Variants in MSH3 observed in about 807,000 individuals in gnomAD.
MSH3 encodes DNA mismatch repair protein Msh3.
A neutral mutation model predicts 123.3 loss-of-function variants in MSH3; 106 were observed. That is an observed-to-expected ratio of 0.86 (90% CI 0.73 to 1.01). The LOEUF is 1.01. MSH3 is among the 50% of genes least tolerant of loss of function. The pLI, the probability that MSH3 is intolerant of heterozygous loss-of-function variation, is 0.00. For synonymous variants in MSH3, 515 were observed against 481.4 expected (o/e 1.07, Z -0.91); for missense variants, 1,459 against 1,347.6 (o/e 1.08, Z -1.29).
At chr5:80,747,181 A>G (rs1743737304) in intron 12 of MSH3, among the ~76,000 whole-genome samples, 1 of 152,148 alleles carries the variant, frequency 6.6e-6, no homozygotes, top group African/African-American at 2.4e-5. Context: ...ATCTACTACA[A>G]TTCTTACTGT....
At chr5:80,852,557 A>C (rs1745848003) in intron 20 of MSH3, among the ~76,000 whole-genome samples, 1 of 152,204 alleles carries the variant, frequency 6.6e-6, no homozygotes, top group African/African-American at 2.4e-5. Context: ...AAGTTTCATC[A>C]TCCTGTTTTG....
intron 15 of MSH3, among the ~76,000 whole-genome samples, chr5:80,772,609 C>A (rs1744231302): frequency 6.6e-6 from 1 of 152,106 alleles, no homozygotes; most frequent in South Asian, 2.1e-4. Flanking sequence ...GAACTGTAGA[C>A]CAGGAAAAGT....
chr5:80,800,966 G>C (rs982626229), intron 19 of MSH3, among the ~76,000 whole-genome samples: 4 of 152,214 alleles, frequency 2.6e-5, no homozygotes, highest in Non-Finnish European at 4.4e-5. Context: ...GGTGTGTCCT[G>C]GGAGTTGATG....
At chr5:80,718,378 G>C (rs1751004797) in intron 8 of MSH3, among the ~76,000 whole-genome samples, 1 of 152,152 alleles carries the variant, frequency 6.6e-6, no homozygotes, top group Non-Finnish European at 1.5e-5. Flanking sequence ...TCAGCTCCCT[G>C]AGTAGCTGGG....
chr5:80,671,242 A>G (rs1342160519), intron 4 of MSH3, among the ~76,000 whole-genome samples: 1 of 152,222 alleles, frequency 6.6e-6, no homozygotes, highest in Non-Finnish European at 1.5e-5. Flanking sequence ...AGTATTGCAG[A>G]TGACACCTTT....
chr5:80,654,877 CGCTGCAGCG>C lies in MSH3; in HGVS notation c.162_170del (p.Ala60_Ala62del), dbSNP rs758595508. On this transcript the variant is annotated inframe_deletion, in exon 1 of 24. Coordinates refer to ENST00000265081, the MANE Select transcript of MSH3 (RefSeq NM_002439.5). ...GTGCAGCCGACCAGGTGGACCCTGG[CGCTGCAGCG>C]GCTGCAGCGGCCGCAGCGGCCGCAG... is the stretch of plus-strand genomic sequence containing the variant. The C allele has an allele frequency of 1.1e-3, 1,706 of 1,500,008 alleles. 13 individuals carry two copies. Among genetic ancestry groups the C allele is most frequent in the African/African-American group, 4.0e-3 (261 of 64,948 alleles). The allele number at this position is 1,500,008 out of a possible 1,614,324, so 92.9% of individuals were successfully genotyped here.
chr5:80,866,651 C>T (rs1289722067), intron 22 of MSH3, among the ~76,000 whole-genome samples: 1 of 152,154 alleles, frequency 6.6e-6, no homozygotes, highest in African/African-American at 2.4e-5. Flanking sequence ...TGATGGACCT[C>T]TCATTGTGTT....
chr5:80,864,196 A>G (rs1051569834), intron 21 of MSH3, among the ~76,000 whole-genome samples: 41 of 152,238 alleles, frequency 2.7e-4, no homozygotes, highest in African/African-American at 8.9e-4. Context: ...GACTCCCTGG[A>G]CCCCTTAGGT....
chr5:80,755,065 C>A (rs556604984), intron 12 of MSH3, among the ~76,000 whole-genome samples: 86 of 152,250 alleles, frequency 5.6e-4, no homozygotes, highest in African/African-American at 1.9e-3. Flanking sequence ...CCTGGGGATG[C>A]ATTACTGCTC....
chr5:80,777,676 G>A (rs563216715), intron 16 of MSH3, among the ~76,000 whole-genome samples: 1 of 152,262 alleles, frequency 6.6e-6, no homozygotes, highest in Non-Finnish European at 1.5e-5. Flanking sequence ...TGGCCATAGG[G>A]TTTTGACAGA....
At chr5:80,840,315 G>A (rs1201146575) in intron 20 of MSH3, among the ~76,000 whole-genome samples, 1 of 152,152 alleles carries the variant, frequency 6.6e-6, no homozygotes, top group East Asian at 1.9e-4. Context: ...AAGGAAAGGG[G>A]AATCTTCTAG....
chr5:80,711,015 A>G (rs1406952904), intron 8 of MSH3, among the ~76,000 whole-genome samples: 2 of 152,234 alleles, frequency 1.3e-5, no homozygotes, highest in African/African-American at 2.4e-5. Context: ...TTTTTTTGTT[A>G]GAATTTTACC....
Position 80,757,808 on chromosome 5 carries a change from C to G in MSH3, c.1764-3738C>G, listed in dbSNP as rs1387403392. Reference sequence around the variant, plus strand: ...ATTCTCTATTGTGTGGCCTGACATACTGTTTTATTACAATTATTTGGAAGG... The same window carrying G: ...ATTCTCTATTGTGTGGCCTGACATAGTGTTTTATTACAATTATTTGGAAGG... On this transcript the variant is annotated intron_variant, in intron 12 of 23. Coordinates refer to ENST00000265081, the MANE Select transcript of MSH3 (RefSeq NM_002439.5). Among the ~76,000 whole-genome samples the G allele has an allele frequency of 2.0e-5, 3 of 152,090 alleles. No homozygotes were observed. The East Asian group carries it at 5.8e-4, about 29-fold the overall frequency.
chr5:80,875,720 A>T (rs1746295940), intron 23 of MSH3, 31 bp from the exon 24 acceptor site: 1 of 1,278,042 alleles, frequency 7.8e-7, no homozygotes, highest in African/African-American at 1.5e-5. Context: ...AATTTCATTT[A>T]TTAAATAAGT....
chr5:80,677,493 A>G (rs1749869098), intron 7 of MSH3, among the ~76,000 whole-genome samples: 1 of 152,204 alleles, frequency 6.6e-6, no homozygotes, highest in Non-Finnish European at 1.5e-5. Context: ...ATTGGTATAT[A>G]AATTTACATG....
intron 20 of MSH3, among the ~76,000 whole-genome samples, chr5:80,846,947 A>G (rs938900519): frequency 6.6e-6 from 1 of 151,898 alleles, no homozygotes; most frequent in African/African-American, 2.4e-5. Flanking sequence ...TCCCAATGAG[A>G]TAAAGCAGGT....
chr5:80,828,815 C>G (rs1332758785), intron 20 of MSH3, among the ~76,000 whole-genome samples: 3 of 152,168 alleles, frequency 2.0e-5, no homozygotes, highest in Non-Finnish European at 4.4e-5. Context: ...GTCTTGCTTC[C>G]TAGATACACC....
rs746348952 is a variant in MSH3, at chr5:80,799,500, C to CTTTTT, written c.2655+6684_2655+6688dup. ...TTTATACCTGTCAAGGAAGATAGCA[C>CTTTTT]TTTTTTTTTTTTTTTTTTTTTTTTT... On this transcript the variant is annotated intron_variant, in intron 19 of 23. Coordinates refer to ENST00000265081, the MANE Select transcript of MSH3 (RefSeq NM_002439.5). Among the ~76,000 whole-genome samples, 238 of 32,324 alleles carry CTTTTT rather than the reference C, an allele frequency of 7.4e-3. 33 individuals are homozygous for CTTTTT. Among genetic ancestry groups the CTTTTT allele is most frequent in the Middle Eastern group, 0.062 (1 of 16 alleles). 21.2% of individuals were successfully genotyped at this position (32,324 alleles called of 152,430 possible).
chr5:80,756,442 C>A (rs1016566769), intron 12 of MSH3, among the ~76,000 whole-genome samples: 3 of 152,126 alleles, frequency 2.0e-5, no homozygotes. Flanking sequence ...TTATGTGCAT[C>A]CAGACTATTA....
Sources: gnomAD v4.1 joint callset for allele counts (sites outside exome capture counted in the v4.1 genomes callset) on GRCh38, gnomAD v4.1.1 for gene constraint, MANE v1.5 for transcripts, NCBI Gene and HGNC (gene_info 2026-07-23, HGNC 2026-07-21) for gene names.